CTNNA3: variants seen among roughly 807,000 people sequenced by gnomAD.
CTNNA3 encodes catenin alpha 3, also known as catenin alpha-3.
Under a neutral mutation model 95.7 loss-of-function variants are expected in CTNNA3, and 76 were observed. The observed-to-expected ratio is 0.79, with a 90% CI of 0.66 to 0.96. The LOEUF is 0.96. Among genes scored for constraint, CTNNA3 ranks in the 40% least tolerant of loss-of-function variants. CTNNA3 has a pLI of 0.00. For synonymous variants in CTNNA3, 431 were observed against 374.4 expected, an observed-to-expected ratio of 1.15 and a Z score of -1.74; for missense variants, 1,191 against 1,089.8, an observed-to-expected ratio of 1.09 and a Z score of -1.31.
At chr10:66,780,137 A>T (rs1414480850) in intron 7 of CTNNA3, among the ~76,000 whole-genome samples, 2 of 152,286 alleles carry the variant, frequency 1.3e-5, no homozygotes, top group Non-Finnish European at 2.9e-5. Flanking sequence ...GTGTTAGGAG[A>T]GGCCTGATCC....
At chr10:66,374,507 T>C (rs2092778551) in intron 12 of CTNNA3, among the ~76,000 whole-genome samples, 1 of 151,432 alleles carries the variant, frequency 6.6e-6, no homozygotes, top group South Asian at 2.1e-4. Flanking sequence ...TTTTTAATTC[T>C]AACATACGAC....
intron 7 of CTNNA3, among the ~76,000 whole-genome samples, chr10:67,083,182 C>A (rs1379250352): frequency 2.0e-5 from 3 of 151,934 alleles, no homozygotes; most frequent in Non-Finnish European, 4.4e-5. Context: ...AAAAAAAAAA[C>A]TTCCTTTATT....
At chr10:66,290,697 A>G (rs539510374) in intron 12 of CTNNA3, among the ~76,000 whole-genome samples, 19 of 152,264 alleles carry the variant, frequency 1.2e-4, no homozygotes, top group South Asian at 4.1e-4. Flanking sequence ...CACCTACCTG[A>G]TATGACATAC....
intron 1 of CTNNA3, among the ~76,000 whole-genome samples, chr10:67,713,552 A>C (rs562156151): frequency 2.0e-5 from 3 of 152,234 alleles, no homozygotes; most frequent in Non-Finnish European, 4.4e-5. Context: ...CATCAATGAT[A>C]GACTGGATAA....
chr10:66,915,316 G>A (rs1227574311), intron 7 of CTNNA3, among the ~76,000 whole-genome samples: 1 of 151,932 alleles, frequency 6.6e-6, no homozygotes, highest in Non-Finnish European at 1.5e-5. Context: ...TCAGAATATT[G>A]TCTGATTCTC....
chr10:67,329,659 G>T (rs186942478), intron 5 of CTNNA3, among the ~76,000 whole-genome samples: 1 of 152,160 alleles, frequency 6.6e-6, no homozygotes, highest in Non-Finnish European at 1.5e-5. Flanking sequence ...AATGGGAAGA[G>T]ATAAAAAACT....
intron 13 of CTNNA3, among the ~76,000 whole-genome samples, chr10:66,256,179 CAGTT>C (rs1437312694): frequency 5.9e-5 from 9 of 152,130 alleles, no homozygotes; most frequent in Non-Finnish European, 1.0e-4. Context: ...TATGAGAAGT[CAGTT>C]AGGAGCCATC....
intron 7 of CTNNA3, among the ~76,000 whole-genome samples, chr10:66,789,617 T>G (rs1197516976): frequency 6.6e-6 from 1 of 152,210 alleles, no homozygotes; most frequent in Admixed American, 6.5e-5. Flanking sequence ...CCAAGATCTT[T>G]TTTTATATAT....
At chr10:66,468,353 C>T (rs1285040688) in intron 11 of CTNNA3, among the ~76,000 whole-genome samples, 1 of 151,966 alleles carries the variant, frequency 6.6e-6, no homozygotes, top group African/African-American at 2.4e-5. Context: ...GTACATACAA[C>T]AAGGCATCTT....
chr10:66,964,868 A>T (rs1849315239), intron 7 of CTNNA3, among the ~76,000 whole-genome samples: 1 of 152,234 alleles, frequency 6.6e-6, no homozygotes, highest in Non-Finnish European at 1.5e-5. Context: ...AGTTCAAGTC[A>T]CAACTCAAAA....
chr10:66,470,507 G>C (rs1388673060), intron 11 of CTNNA3, among the ~76,000 whole-genome samples: 1 of 151,850 alleles, frequency 6.6e-6, no homozygotes. Context: ...GTGGATAGTT[G>C]GAATCATCCA....
At chr10:66,879,621 A>G (rs183353834) in intron 7 of CTNNA3, among the ~76,000 whole-genome samples, 5 of 152,206 alleles carry the variant, frequency 3.3e-5, no homozygotes, top group East Asian at 3.9e-4. Flanking sequence ...ACCCATGAAG[A>G]GTTAAGTAAT....
chr10:67,472,987 C>T (rs146209107), intron 5 of CTNNA3, among the ~76,000 whole-genome samples: 71 of 152,286 alleles, frequency 4.7e-4, no homozygotes, highest in African/African-American at 1.6e-3. Context: ...TGAATTATCA[C>T]TACGTAAGGC....
chr10:66,843,729 A>G (rs897448653), intron 7 of CTNNA3, among the ~76,000 whole-genome samples: 1 of 152,202 alleles, frequency 6.6e-6, no homozygotes, highest in Non-Finnish European at 1.5e-5. Context: ...AGAGAAGGAC[A>G]TGACCCTTTT....
At chr10:66,814,894 C>T (rs1433852715) in intron 7 of CTNNA3, among the ~76,000 whole-genome samples, 2 of 145,000 alleles carry the variant, frequency 1.4e-5, no homozygotes, top group East Asian at 4.1e-4. Flanking sequence ...CTCTGTCACC[C>T]AGGCTGGAGT....
intron 11 of CTNNA3, among the ~76,000 whole-genome samples, chr10:66,404,577 AT>A (rs1428784325): frequency 6.6e-5 from 10 of 152,206 alleles, no homozygotes; most frequent in Admixed American, 5.2e-4. Flanking sequence ...ATTAAATTAA[AT>A]AATAAGTATA....
intron 2 of CTNNA3, among the ~76,000 whole-genome samples, chr10:67,625,029 T>C (rs1386760761): frequency 2.0e-5 from 3 of 152,182 alleles, no homozygotes; most frequent in Non-Finnish European, 4.4e-5. Context: ...TTTGACCACG[T>C]AGGAGCCCTA....
Position 67,520,087 on chromosome 10 carries a change from G to A in CTNNA3, c.579+1755C>T, listed in dbSNP as rs114706669. Among the ~76,000 whole-genome samples the A allele has an allele frequency of 6.6e-3, 1,009 of 152,220 alleles. 9 individuals are homozygous for A. Among genetic ancestry groups the A allele is most frequent in the African/African-American group, 0.023 (970 of 41,534 alleles). On this transcript the variant is annotated intron_variant, in intron 5 of 17. Coordinates refer to ENST00000433211, the MANE Select transcript of CTNNA3 (RefSeq NM_013266.4). ...AACTTCCTTAACAATTTTCTCATCT[G>A]TAAAATGGTGCTAACAAAAGCCACC...
intron 7 of CTNNA3, among the ~76,000 whole-genome samples, chr10:67,077,092 C>A (rs1171885037): frequency 2.0e-5 from 3 of 152,108 alleles, no homozygotes; most frequent in African/African-American, 4.8e-5. Context: ...CAAATCCTGA[C>A]CCTCTACCTC....
Sources: allele counts gnomAD v4.1 joint callset (sites outside exome capture counted in the v4.1 genomes callset), GRCh38; gene constraint gnomAD v4.1.1; transcripts MANE v1.5; gene names NCBI Gene and HGNC (gene_info 2026-07-23, HGNC 2026-07-21).